Variants in PPP1R12B observed in about 807,000 individuals in gnomAD.
The protein encoded by PPP1R12B is protein phosphatase 1 regulatory subunit 12B, also known as myosin phosphatase target subunit 2.
A neutral mutation model predicts 126.1 loss-of-function variants in PPP1R12B; 76 were observed. That is an observed-to-expected ratio of 0.60 (90% confidence interval 0.50 to 0.73). The LOEUF (loss-of-function observed/expected upper bound fraction) is 0.73, where lower values mean the gene tolerates loss of function less well. Among genes scored for constraint, PPP1R12B ranks in the 30% least tolerant of loss-of-function variants. The pLI, the probability that PPP1R12B is intolerant of heterozygous loss-of-function variation, is 0.00. For missense variants in PPP1R12B, 1,052 were observed against 1,205.1 expected (o/e 0.87, Z 1.88); for synonymous variants, 356 against 434.7 (o/e 0.82, Z 2.25).
intron 13 of PPP1R12B, chr1:202,462,686 C>G (rs1020773776): frequency 2.3e-6 from 2 of 870,004 alleles, no homozygotes; most frequent in Non-Finnish European, 2.8e-6. Context: ...ATTTTCAGCC[C>G]TCATTCAACC....
intron 1 of PPP1R12B, among the ~76,000 whole-genome samples, chr1:202,401,167 A>G (rs2148560803): frequency 6.6e-6 from 1 of 152,026 alleles, no homozygotes; most frequent in African/African-American, 2.4e-5. Flanking sequence ...CAAAGTGTAA[A>G]GTACTTCTTT....
At chr1:202,361,441 T>C (rs1658193075) in intron 1 of PPP1R12B, among the ~76,000 whole-genome samples, 1 of 152,066 alleles carries the variant, frequency 6.6e-6, no homozygotes, top group Non-Finnish European at 1.5e-5. Flanking sequence ...GGAGGTACCA[T>C]ACTCTTTTAA....
At chr1:202,511,366 G>A (rs1191843219) in intron 18 of PPP1R12B, among the ~76,000 whole-genome samples, 6 of 151,634 alleles carry the variant, frequency 4.0e-5, no homozygotes, top group South Asian at 4.2e-4. Flanking sequence ...ACAGATGCCC[G>A]CCACCATGCC....
At chr1:202,536,215 G>T (rs748436597) in intron 18 of PPP1R12B, among the ~76,000 whole-genome samples, 3 of 152,046 alleles carry the variant, frequency 2.0e-5, no homozygotes, top group East Asian at 1.9e-4. Context: ...AGGCAATTTC[G>T]TCCCTGAGCA....
At position 202,508,661 on chromosome 1, in the gene PPP1R12B, G is replaced by A. The variant is rs1558314368; in HGVS notation, c.2490+11839G>A. 1.3e-5 allele frequency among the ~76,000 whole-genome samples: 2 copies of A among 152,326 alleles called. No individual in the cohort carries two copies. The highest frequency in any genetic ancestry group is 1.9e-4 in the East Asian group (1 of 5,188). On this transcript the variant is annotated intron_variant, in intron 18 of 23. Transcript: ENST00000608999. This position sits in a 1 kb window ranked among gnomAD's most constrained non-coding sequence, Gnocchi z 4.5. ...TTCAAAAGTGATATGCCAAATGGGCGAAACATGGGGCTGTTTATGGTGACT... is the reference window on the plus strand; with the variant it reads ...TTCAAAAGTGATATGCCAAATGGGCAAAACATGGGGCTGTTTATGGTGACT...
chr1:202,449,042 T>A lies in PPP1R12B; in HGVS notation c.1721T>A (p.Val574Asp), dbSNP rs1183946830. 1.2e-6 allele frequency: 2 copies of A among 1,613,720 alleles called. No individual in the cohort carries two copies. The highest frequency in any genetic ancestry group is 2.7e-5 in the African/African-American group (2 of 74,870). The stretch of plus-strand genomic sequence containing the variant: ...ACAGCAGAGAAAACAGCAGACAATG[T>A]CTCTTCTAGCACCCCGCTCTGTGTG... ...DTTAEKTADN[V>D]SSSTPLCVIT... is the part of the protein sequence containing the mutation. Residue 574 changes from valine to aspartate, a missense_variant, in exon 13 of 24, where the codon GTC (valine) becomes GAC (aspartate). Transcript: ENST00000608999.
At position 202,522,816 on chromosome 1, in the gene PPP1R12B, AAT is replaced by A. The variant is rs1312851630; in HGVS notation, c.2490+25999_2490+26000del. 1.3e-5 allele frequency among the ~76,000 whole-genome samples: 2 copies of A among 152,226 alleles called. 1 individual carries two copies. Among genetic ancestry groups the A allele is most frequent in the African/African-American group, 4.8e-5 (2 of 41,456 alleles). On this transcript the variant is annotated intron_variant, in intron 18 of 23. Coordinates refer to ENST00000608999, the MANE Select transcript of PPP1R12B (RefSeq NM_002481.4). ...TTGCTTTAAAACAGCAAATGACAGA[AAT>A]ATATGTCTCACTTATAAATAAGGAA...
rs1679393535 is a variant in PPP1R12B at position 202,495,207 on chromosome 1, A to G, written c.2146-86A>G. ...CATCTACTCATAAGCCCCTTAATAT[A>G]GAAAAAAACATTTTGTATAAACCTG... On this transcript the variant is annotated intron_variant, in intron 15 of 23. Transcript: ENST00000608999. 3.1e-6 allele frequency: 4 copies of G among 1,278,412 alleles called. No homozygotes were observed. The African/African-American group carries it at 6.0e-5, about 19-fold the overall frequency. The allele number at this position is 1,278,412 out of a possible 1,614,324, so 79.2% of individuals were successfully genotyped here. A position where few individuals can be genotyped will look rare whatever the true frequency, so the allele number is the denominator to read the frequency against.
chr1:202,496,132 A>C (rs974945954), intron 17 of PPP1R12B, among the ~76,000 whole-genome samples: 11 of 152,226 alleles, frequency 7.2e-5, no homozygotes, highest in African/African-American at 2.7e-4. Flanking sequence ...TCTAAGTAAT[A>C]CAAGTTCACT....
intron 13 of PPP1R12B, among the ~76,000 whole-genome samples, chr1:202,485,407 G>A (rs1677960475): frequency 6.6e-6 from 1 of 150,560 alleles, no homozygotes; most frequent in Non-Finnish European, 1.5e-5. Flanking sequence ...AGCTTAGGAT[G>A]TGAGGGTGGG....
chr1:202,353,929 A>C (rs1656553337), intron 1 of PPP1R12B, among the ~76,000 whole-genome samples: 1 of 150,956 alleles, frequency 6.6e-6, no homozygotes. Flanking sequence ...CAATTCTTCA[A>C]CTCCTGCTGA....
intron 1 of PPP1R12B, among the ~76,000 whole-genome samples, chr1:202,386,610 C>T (rs573440301): frequency 1.1e-4 from 16 of 152,288 alleles, no homozygotes; most frequent in African/African-American, 3.1e-4. Flanking sequence ...TGAGCCACGG[C>T]GCCTGGCCTG....
At chr1:202,560,958 C>G (rs1251024143) in intron 19 of PPP1R12B, among the ~76,000 whole-genome samples, 1 of 151,866 alleles carries the variant, frequency 6.6e-6, no homozygotes, top group African/African-American at 2.4e-5. Flanking sequence ...CACATGTATA[C>G]ATATGTAACT....
At chr1:202,530,801 G>C (rs763567188) in intron 18 of PPP1R12B, among the ~76,000 whole-genome samples, 23 of 152,326 alleles carry the variant, frequency 1.5e-4, no homozygotes, top group Non-Finnish European at 3.1e-4. Context: ...GAAGCCATTA[G>C]TGGATATATT....
intron 1 of PPP1R12B, among the ~76,000 whole-genome samples, chr1:202,381,076 C>A (rs1342208187): frequency 1.3e-5 from 2 of 152,126 alleles, no homozygotes; most frequent in Non-Finnish European, 1.5e-5. Context: ...ATATACATTT[C>A]TCATATAAAT....
intron 18 of PPP1R12B, among the ~76,000 whole-genome samples, chr1:202,513,857 CTGTT>C (rs1315912880): frequency 1.3e-5 from 2 of 152,082 alleles, no homozygotes; most frequent in African/African-American, 4.8e-5. Context: ...GGGCACACCA[CTGTT>C]TGAGATGGCA....
chr1:202,505,448 T>C (rs553065341), intron 18 of PPP1R12B, among the ~76,000 whole-genome samples: 1 of 152,338 alleles, frequency 6.6e-6, no homozygotes, highest in African/African-American at 2.4e-5. Flanking sequence ...CTGGATCCTT[T>C]CTCTCGAGCA....
At chr1:202,536,752 A>T (rs1684568879) in intron 18 of PPP1R12B, among the ~76,000 whole-genome samples, 1 of 152,126 alleles carries the variant, frequency 6.6e-6, no homozygotes, top group Admixed American at 6.5e-5. Flanking sequence ...TTATATTCTT[A>T]ATCTATAAGC....
chr1:202,496,015 C>A (rs1191847837), intron 17 of PPP1R12B, among the ~76,000 whole-genome samples: 2 of 152,138 alleles, frequency 1.3e-5, no homozygotes, highest in Non-Finnish European at 2.9e-5. Context: ...TCCTAATATT[C>A]CCTGAATGTC....
Sources: allele counts gnomAD v4.1 joint callset (sites outside exome capture counted in the v4.1 genomes callset), GRCh38; gene constraint gnomAD v4.1.1; non-coding constraint Gnocchi (gnomAD v3.1); transcripts MANE v1.5; gene names NCBI Gene and HGNC (gene_info 2026-07-23, HGNC 2026-07-21).